Variants in CSNK1G1 observed in about 807,000 individuals in gnomAD.
CSNK1G1 encodes the protein casein kinase 1 gamma 1.
Under a neutral mutation model 59.6 loss-of-function variants are expected in CSNK1G1, and 22 were observed. The ratio of observed to expected loss-of-function variants is 0.37; its 90% CI spans 0.26 to 0.53. The LOEUF (loss-of-function observed/expected upper bound fraction) is 0.53. Among genes scored for constraint, CSNK1G1 ranks in the 20% least tolerant of loss-of-function variants. The pLI, the probability that CSNK1G1 is intolerant of heterozygous loss-of-function variation, is 0.89. For synonymous variants in CSNK1G1, 179 were observed against 177.1 expected, an observed-to-expected ratio of 1.01 and a Z score of -0.08; for missense variants, 384 against 519.5, an observed-to-expected ratio of 0.74 and a Z score of 2.54.
chr15:64,203,667 A>C (rs2082138641), intron 9 of CSNK1G1, among the ~76,000 whole-genome samples: 1 of 142,092 alleles, frequency 7.0e-6, no homozygotes, highest in Non-Finnish European at 1.5e-5. Flanking sequence ...ATTGCACTCC[A>C]GCCTGGGCAA....
chr15:64,316,264 C>T (rs1342292753), intron 1 of CSNK1G1, among the ~76,000 whole-genome samples: 3 of 152,040 alleles, frequency 2.0e-5, no homozygotes, highest in Admixed American at 2.0e-4. Context: ...AGGTTGGGCT[C>T]GGTGGCTCAC....
At chr15:64,259,749 TGGAGAATTCATCTACTGCTTGTAA>T (rs1255908995) in intron 2 of CSNK1G1, among the ~76,000 whole-genome samples, 4 of 152,200 alleles carry the variant, frequency 2.6e-5, no homozygotes, top group Non-Finnish European at 5.9e-5. Flanking sequence ...AACCTACTTT[TGGAGAATTCATCTACTGCTTGTAA>T]GGAGATGATT....
At chr15:64,290,541 G>T (rs1894681817) in intron 2 of CSNK1G1, among the ~76,000 whole-genome samples, 1 of 152,138 alleles carries the variant, frequency 6.6e-6, no homozygotes, top group Non-Finnish European at 1.5e-5. Context: ...TGTACACATG[G>T]ACACAGAGTG....
In CSNK1G1 at chr15:64,319,540, G is replaced by A. The variant is rs572834792; in HGVS notation, c.-224-18817C>T. On this transcript the variant is annotated intron_variant, in intron 1 of 11. Transcript: ENST00000303052. ...AATTATTATAAGCTTATTTCAGTTC[G>A]TTGAATTTGTTTTGTTTTGTTTTGA... Among the ~76,000 whole-genome samples, 23 of 151,844 alleles carry A rather than the reference G, an allele frequency of 1.5e-4. No homozygotes were observed. The South Asian group carries it at 2.5e-3, about 16-fold the overall frequency.
chr15:64,260,055 T>G (rs1347655540), intron 2 of CSNK1G1, among the ~76,000 whole-genome samples: 1 of 152,164 alleles, frequency 6.6e-6, no homozygotes, highest in Non-Finnish European at 1.5e-5. Flanking sequence ...CACCTCCCCA[T>G]CCTCACTAAT....
At chr15:64,247,429 C>T (rs1034849040) in intron 4 of CSNK1G1, among the ~76,000 whole-genome samples, 1 of 152,060 alleles carries the variant, frequency 6.6e-6, no homozygotes, top group East Asian at 1.9e-4. Context: ...TTCTCATGGT[C>T]CCCTTTACTT....
chr15:64,165,745 G>GT lies in CSNK1G1; in HGVS notation c.*6185dup. ...AAACAAGCAGAAGTAGCCAAGAAAG[G>GT]TAAGACATTTTATTTTACATACAAA... On this transcript the variant is annotated 3_prime_UTR_variant, in exon 12 of 12. Coordinates refer to ENST00000303052, the MANE Select transcript of CSNK1G1 (RefSeq NM_022048.5). 1 of 317,430 alleles carries GT rather than the reference G, an allele frequency of 3.2e-6. No individual in the cohort carries two copies. The highest frequency in any genetic ancestry group is 5.7e-6 in the Non-Finnish European group (1 of 175,280). 19.7% of individuals were successfully genotyped at this position (317,430 alleles called of 1,614,324 possible). A position where few individuals can be genotyped will look rare whatever the true frequency, so the allele number is the denominator to read the frequency against.
chr15:64,168,643 A>G lies in CSNK1G1; in HGVS notation c.*3288T>C, dbSNP rs1208640386. 6.6e-6 allele frequency: 1 copy of G among 152,248 alleles called. No homozygotes were observed. Among genetic ancestry groups the G allele is most frequent in the Admixed American group, 6.5e-5 (1 of 15,284 alleles). 9.4% of individuals were successfully genotyped at this position (152,248 alleles called of 1,614,324 possible). ...GATCGTTAGGCACCATACTTGTGAA[A>G]TGGAGAAAGCTCAGAAACTACAGAG... On this transcript the variant is annotated 3_prime_UTR_variant, in exon 12 of 12. Transcript: ENST00000303052.
chr15:64,193,491 C>CAAAAAA lies in CSNK1G1; in HGVS notation c.1107+9585_1107+9590dup, dbSNP rs10631811. Among the ~76,000 whole-genome samples the CAAAAAA allele has an allele frequency of 6.3e-3, 830 of 131,820 alleles. 16 individuals are homozygous for CAAAAAA. Among genetic ancestry groups the CAAAAAA allele is most frequent in the Middle Eastern group, 0.018 (5 of 272 alleles). The allele number at this position is 131,820 out of a possible 152,430, so 86.5% of individuals were successfully genotyped here. ...TGGGCAACAGAGTGAGACTCTGTCT[C>CAAAAAA]AAAAAAAAAAAAGTATATACTTGAA... On this transcript the variant is annotated intron_variant, in intron 10 of 11. Coordinates refer to ENST00000303052, the MANE Select transcript of CSNK1G1 (RefSeq NM_022048.5).
intron 2 of CSNK1G1, among the ~76,000 whole-genome samples, chr15:64,284,076 A>T (rs1894283766): frequency 6.6e-6 from 1 of 152,162 alleles, no homozygotes; most frequent in African/African-American, 2.4e-5. Context: ...TTGTCCCAAT[A>T]CCACTTGTCA....
intron 1 of CSNK1G1, among the ~76,000 whole-genome samples, chr15:64,304,390 A>G (rs1895550294): frequency 6.6e-6 from 1 of 150,966 alleles, no homozygotes; most frequent in Non-Finnish European, 1.5e-5. Context: ...CCTCAAAAAA[A>G]AAAAAAAAAA....
At chr15:64,234,230 C>T (rs1375912224) in intron 4 of CSNK1G1, among the ~76,000 whole-genome samples, 1 of 151,852 alleles carries the variant, frequency 6.6e-6, no homozygotes, top group Non-Finnish European at 1.5e-5. Flanking sequence ...ACCCAGTGAA[C>T]GGGATTGCAA....
At chr15:64,308,896 C>A (rs1210212237) in intron 1 of CSNK1G1, among the ~76,000 whole-genome samples, 3 of 144,334 alleles carry the variant, frequency 2.1e-5, no homozygotes, top group African/African-American at 5.1e-5. Context: ...GACTCTGTCT[C>A]AAAAAAAAAA....
intron 4 of CSNK1G1, among the ~76,000 whole-genome samples, chr15:64,218,633 T>C (rs898687577): frequency 6.6e-6 from 1 of 151,460 alleles, no homozygotes; most frequent in African/African-American, 2.4e-5. Context: ...AAGTGATCCA[T>C]CCACCTCAGC....
intron 2 of CSNK1G1, among the ~76,000 whole-genome samples, chr15:64,288,493 C>A (rs888172410): frequency 2.0e-5 from 3 of 151,526 alleles, no homozygotes; most frequent in African/African-American, 7.3e-5. Context: ...ATCTATGTAA[C>A]CTAGTTATTG....
intron 1 of CSNK1G1, among the ~76,000 whole-genome samples, chr15:64,345,440 C>T (rs1339430325): frequency 2.6e-5 from 4 of 152,164 alleles, no homozygotes; most frequent in East Asian, 3.8e-4. Context: ...TGAAACCCTT[C>T]GCAACAATAA....
chr15:64,200,037 G>C lies in CSNK1G1; in HGVS notation c.1107+3045C>G, dbSNP rs1225632871. ...AGGCAGGTGGATCACCTGAGGTTAG[G>C]AGTTCCAGACTAGCCTGGCCAACAT... On this transcript the variant is annotated intron_variant, in intron 10 of 11. Transcript: ENST00000303052. This position sits in a 1 kb window ranked among gnomAD's most constrained non-coding sequence, Gnocchi z 4.3. Among the ~76,000 whole-genome samples, 1 of 152,010 alleles carries C rather than the reference G, an allele frequency of 6.6e-6. No individual in the cohort carries two copies. The highest frequency in any genetic ancestry group is 2.4e-5 in the African/African-American group (1 of 41,416).
intron 1 of CSNK1G1, among the ~76,000 whole-genome samples, chr15:64,352,370 T>C (rs1461866045): frequency 6.7e-6 from 1 of 150,228 alleles, no homozygotes; most frequent in Non-Finnish European, 1.5e-5. Context: ...GACCTTACAC[T>C]CTCAGAAGAG....
At position 64,216,696 on chromosome 15, in the gene CSNK1G1, C is replaced by T; in HGVS notation, c.310G>A (p.Val104Met). The change falls in exon 5 of 12, where the codon GTG becomes ATG. Residue 104 changes from valine (V) to methionine (M), a missense_variant. Val to Met is a conservative substitution (Grantham distance 21, BLOSUM62 1). Coordinates refer to ENST00000303052, the MANE Select transcript of CSNK1G1 (RefSeq NM_022048.5). The surrounding 1 kb of genome is among the most constrained non-coding windows in gnomAD (Gnocchi z 4.6). ...LGSAGEGLPQ[V>M]YYFGPCGKYN... ...TTCCCACATGGTCCAAAGTAATACA[C>T]CTGTGGGAGACCTTCACCTGAAAGC... The T allele has an allele frequency of 6.2e-7, 1 of 1,614,086 alleles. No homozygotes were observed.
Sources: gnomAD v4.1 joint callset for allele counts (sites outside exome capture counted in the v4.1 genomes callset) on GRCh38, gnomAD v4.1.1 for gene constraint, Gnocchi (gnomAD v3.1) non-coding constraint, MANE v1.5 for transcripts, NCBI Gene and HGNC (gene_info 2026-07-23, HGNC 2026-07-21) for gene names.